Variants in PTPRN2 observed in about 807,000 individuals in gnomAD.
PTPRN2 encodes the protein protein tyrosine phosphatase receptor type N2, also known as receptor-type tyrosine-protein phosphatase N2.
In PTPRN2, 74 loss-of-function variants were observed where a neutral mutation model predicts 118.8. The observed-to-expected ratio is 0.62, with a 90% CI of 0.52 to 0.76. The LOEUF (loss-of-function observed/expected upper bound fraction) is 0.76, where lower values mean the gene tolerates loss of function less well. Ranked by LOEUF, PTPRN2 falls within the 30% of genes least tolerant of loss-of-function variation. The probability of loss-of-function intolerance (pLI) is 0.00; values close to 1 mark genes in which losing one functional copy is unlikely to be tolerated. For synonymous variants in PTPRN2, 641 were observed against 608.0 expected, an observed-to-expected ratio of 1.05 and a Z score of -0.80; for missense variants, 1,481 against 1,394.4, an observed-to-expected ratio of 1.06 and a Z score of -0.99.
chr7:157,635,090 G>A (rs1181453626), intron 14 of PTPRN2, among the ~76,000 whole-genome samples: 4 of 152,184 alleles, frequency 2.6e-5, no homozygotes, highest in Non-Finnish European at 4.4e-5. Flanking sequence ...ACCAGCCAAC[G>A]CCACGTATAT....
chr7:157,759,341 A>C (rs1260416066), intron 12 of PTPRN2, among the ~76,000 whole-genome samples: 1 of 152,190 alleles, frequency 6.6e-6, no homozygotes, highest in Non-Finnish European at 1.5e-5. Context: ...TCGGGGAGCG[A>C]TGTTCCTGAG....
intron 15 of PTPRN2, among the ~76,000 whole-genome samples, chr7:157,612,649 A>C (rs1290987438): frequency 6.6e-6 from 1 of 152,206 alleles, no homozygotes; most frequent in Non-Finnish European, 1.5e-5. Context: ...ACCCCACAGC[A>C]CGGGGCGCAG....
At chr7:158,507,485 G>A (rs1391522396) in intron 1 of PTPRN2, among the ~76,000 whole-genome samples, 2 of 151,750 alleles carry the variant, frequency 1.3e-5, no homozygotes, top group Non-Finnish European at 2.9e-5. Flanking sequence ...AGGTCAGTGA[G>A]GAACATCCAG....
chr7:158,342,230 TCTCA>T (rs1205074773), intron 2 of PTPRN2, among the ~76,000 whole-genome samples: 1 of 100,696 alleles, frequency 9.9e-6, no homozygotes, highest in Non-Finnish European at 1.9e-5. Flanking sequence ...ACACTCACAC[TCTCA>T]CCATAAGAGC....
intron 2 of PTPRN2, among the ~76,000 whole-genome samples, chr7:158,374,272 C>G (rs1810325598): frequency 6.6e-6 from 1 of 152,156 alleles, no homozygotes; most frequent in African/African-American, 2.4e-5. Context: ...GAGGAGGGAG[C>G]CACCTCCAGG....
chr7:158,512,652 G>T (rs1320831651), intron 1 of PTPRN2, among the ~76,000 whole-genome samples: 1 of 152,112 alleles, frequency 6.6e-6, no homozygotes. Flanking sequence ...ACCACGCCCA[G>T]CACTTGATTT....
chr7:158,437,560 G>C (rs1045783271), intron 2 of PTPRN2, among the ~76,000 whole-genome samples: 3 of 152,136 alleles, frequency 2.0e-5, no homozygotes, highest in African/African-American at 7.2e-5. Context: ...CTTAACTCAA[G>C]GGAGGCCTGA....
chr7:158,433,008 G>C (rs1403337101), intron 2 of PTPRN2, among the ~76,000 whole-genome samples: 1 of 152,156 alleles, frequency 6.6e-6, no homozygotes, highest in Non-Finnish European at 1.5e-5. Context: ...CTGAACGTCA[G>C]CTTTGCCTGT....
intron 2 of PTPRN2, among the ~76,000 whole-genome samples, chr7:158,336,474 C>T (rs1174254481): frequency 2.3e-5 from 3 of 131,136 alleles, no homozygotes; most frequent in Non-Finnish European, 3.3e-5. Context: ...CACACTCTCA[C>T]CATAAGAGCT....
rs945437948 is a variant in PTPRN2 at position 158,525,967 on chromosome 7, GC to G, written c.113-36183del. Among the ~76,000 whole-genome samples, 3 of 152,076 alleles carry G rather than the reference GC, an allele frequency of 2.0e-5. No individual in the cohort carries two copies. The highest frequency in any genetic ancestry group is 2.9e-5 in the Non-Finnish European group (2 of 68,022). On this transcript the variant is annotated intron_variant, in intron 1 of 22. Transcript: ENST00000389418. The surrounding 1 kb of genome is among the most constrained non-coding windows in gnomAD (Gnocchi z 4.1). The stretch of plus-strand genomic sequence containing the variant: ...GGTCTCAACATCCCAAGCCGACAAT[GC>G]CCCCCCATTGACTCGGCTCTCTGCA...
intron 2 of PTPRN2, among the ~76,000 whole-genome samples, chr7:158,327,851 C>T (rs547510646): frequency 7.4e-4 from 113 of 152,278 alleles, no homozygotes; most frequent in African/African-American, 2.5e-3. Flanking sequence ...GAGCTGGCAG[C>T]GTTGCCAGGG....
intron 14 of PTPRN2, among the ~76,000 whole-genome samples, chr7:157,648,657 C>A (rs1368471807): frequency 7.0e-6 from 1 of 143,144 alleles, no homozygotes; most frequent in African/African-American, 2.6e-5. Flanking sequence ...ATGCACTGAA[C>A]TCGGTGGGTC....
chr7:157,826,245 T>C (rs1459813297), intron 12 of PTPRN2, among the ~76,000 whole-genome samples: 1 of 121,460 alleles, frequency 8.2e-6, no homozygotes, highest in Non-Finnish European at 1.7e-5. Context: ...TTTCCACGCG[T>C]GCTGTGCAAA....
At chr7:158,528,833 G>A (rs1276285512) in intron 1 of PTPRN2, among the ~76,000 whole-genome samples, 10 of 151,030 alleles carry the variant, frequency 6.6e-5, no homozygotes, top group South Asian at 2.1e-4. Context: ...AACTGTGCAC[G>A]ATGGACACTG....
intron 12 of PTPRN2, among the ~76,000 whole-genome samples, chr7:157,728,953 C>T (rs533941360): frequency 2.5e-4 from 38 of 152,298 alleles, no homozygotes; most frequent in African/African-American, 8.9e-4. Context: ...GACCAGGAAA[C>T]AGCCTCGAGG....
At chr7:157,795,318 TGGG>T (rs1358336206) in intron 12 of PTPRN2, among the ~76,000 whole-genome samples, 1 of 152,198 alleles carries the variant, frequency 6.6e-6, no homozygotes, top group Non-Finnish European at 1.5e-5. Flanking sequence ...CCTATGCACC[TGGG>T]AGGCCCCCAG....
intron 7 of PTPRN2, among the ~76,000 whole-genome samples, chr7:158,137,776 T>A (rs1357114203): frequency 6.6e-6 from 1 of 152,182 alleles, no homozygotes; most frequent in Non-Finnish European, 1.5e-5. Context: ...CTAGGTGCTT[T>A]CTTGCAGCTC....
rs187722193 is a variant in PTPRN2 at position 157,550,887 on chromosome 7, A to G, written c.2903-1868T>C. Among the ~76,000 whole-genome samples, 353 of 152,336 alleles carry G rather than the reference A, an allele frequency of 2.3e-3. 2 individuals carry two copies. The highest frequency in any genetic ancestry group is 1.5e-3 in the Non-Finnish European group (104 of 68,028). On this transcript the variant is annotated intron_variant, in intron 21 of 22. Transcript: ENST00000389418. This position sits in a 1 kb window ranked among gnomAD's most constrained non-coding sequence, Gnocchi z 5.2. Reference sequence around the variant, plus strand: ...AGGCCTAAAAAGTCGACAAGGCTACAGTAAATACAATCTTGTTTTAAAAGA... The same window carrying G: ...AGGCCTAAAAAGTCGACAAGGCTACGGTAAATACAATCTTGTTTTAAAAGA...
chr7:158,430,082 AT>A (rs1285420184), intron 2 of PTPRN2, among the ~76,000 whole-genome samples: 2 of 151,880 alleles, frequency 1.3e-5, no homozygotes, highest in Non-Finnish European at 2.9e-5. Context: ...TAATTTTTGT[AT>A]TTTTAGTAGA....
Sources: gnomAD v4.1 joint callset for allele counts (sites outside exome capture counted in the v4.1 genomes callset) on GRCh38, gnomAD v4.1.1 for gene constraint, Gnocchi (gnomAD v3.1) non-coding constraint, MANE v1.5 for transcripts, NCBI Gene and HGNC (gene_info 2026-07-23, HGNC 2026-07-21) for gene names.